ZNF521: variants seen among roughly 807,000 people sequenced by gnomAD.
ZNF521 encodes the protein zinc finger protein 521, also known as LYST-interacting protein 3.
A neutral mutation model predicts 105.5 loss-of-function variants in ZNF521; 14 were observed. The observed-to-expected ratio is 0.13, with a 90% CI of 0.09 to 0.21. The LOEUF is 0.21. ZNF521 is among the 10% of genes least tolerant of loss of function. The pLI is 1.00. For synonymous variants in ZNF521, 635 were observed against 606.0 expected, an observed-to-expected ratio of 1.05 and a Z score of -0.70; for missense variants, 1,233 against 1,629.7, an observed-to-expected ratio of 0.76 and a Z score of 4.19.
At chr18:25,111,867 C>T (rs962521213) in intron 5 of ZNF521, among the ~76,000 whole-genome samples, 2 of 152,192 alleles carry the variant, frequency 1.3e-5, no homozygotes, top group Non-Finnish European at 2.9e-5. Context: ...CATCTTGAGA[C>T]GAGGCAGTGG....
chr18:25,103,464 T>A (rs770320657), intron 5 of ZNF521, among the ~76,000 whole-genome samples: 12 of 152,142 alleles, frequency 7.9e-5, no homozygotes, highest in Non-Finnish European at 1.5e-4. Context: ...TTAAATTGAG[T>A]GTTTGAGAAG....
At chr18:25,126,202 CTT>C (rs919429420) in intron 5 of ZNF521, among the ~76,000 whole-genome samples, 1 of 152,066 alleles carries the variant, frequency 6.6e-6, no homozygotes, top group African/African-American at 2.4e-5. Context: ...CACAAGCAAT[CTT>C]TGGTTTCTCA....
At chr18:25,142,424 T>G (rs938603173) in intron 5 of ZNF521, among the ~76,000 whole-genome samples, 3 of 152,146 alleles carry the variant, frequency 2.0e-5, no homozygotes, top group African/African-American at 4.8e-5. Context: ...CAAAACTGAT[T>G]GAAATAACAT....
chr18:25,123,357 G>C (rs1286586107), intron 5 of ZNF521, among the ~76,000 whole-genome samples: 5 of 152,040 alleles, frequency 3.3e-5, no homozygotes, highest in Non-Finnish European at 5.9e-5. Flanking sequence ...ACACAGAAAT[G>C]ATAAAGAAAA....
At chr18:25,303,882 C>T (rs939116298) in intron 3 of ZNF521, among the ~76,000 whole-genome samples, 2 of 152,158 alleles carry the variant, frequency 1.3e-5, no homozygotes, top group Non-Finnish European at 2.9e-5. Flanking sequence ...CATGTCAATA[C>T]AGAAATAGGT....
chr18:25,221,101 C>T (rs1198825488), intron 4 of ZNF521, among the ~76,000 whole-genome samples: 2 of 152,106 alleles, frequency 1.3e-5, no homozygotes, highest in African/African-American at 4.8e-5. Flanking sequence ...ATATTTTATT[C>T]AAAACAAAAT....
chr18:25,081,234 T>G (rs1013584379), intron 7 of ZNF521, among the ~76,000 whole-genome samples: 1 of 152,200 alleles, frequency 6.6e-6, no homozygotes, highest in Non-Finnish European at 1.5e-5. Context: ...GATGGCCATC[T>G]GTCGTCAACT....
chr18:25,150,895 T>C (rs1449938419), intron 5 of ZNF521, among the ~76,000 whole-genome samples: 1 of 148,622 alleles, frequency 6.7e-6, no homozygotes, highest in East Asian at 2.0e-4. Flanking sequence ...TTTTTTCTTT[T>C]TTTTTTTTTT....
intron 5 of ZNF521, among the ~76,000 whole-genome samples, chr18:25,153,692 A>C (rs2035089460): frequency 6.6e-6 from 1 of 152,214 alleles, no homozygotes; most frequent in Non-Finnish European, 1.5e-5. Flanking sequence ...ATGCATTTTA[A>C]AAAGGGATTC....
chr18:25,140,423 G>A (rs1233591094), intron 5 of ZNF521, among the ~76,000 whole-genome samples: 1 of 152,212 alleles, frequency 6.6e-6, no homozygotes, highest in African/African-American at 2.4e-5. Flanking sequence ...TGCAATGACG[G>A]CAGGAAATCT....
At chr18:25,184,085 C>CA (rs2035678631) in intron 5 of ZNF521, among the ~76,000 whole-genome samples, 1 of 151,994 alleles carries the variant, frequency 6.6e-6, no homozygotes, top group Non-Finnish European at 1.5e-5. Flanking sequence ...AATAATATCT[C>CA]AAAAAACATA....
chr18:25,333,178 AAAGT>A (rs1383866179), intron 2 of ZNF521, among the ~76,000 whole-genome samples: 2 of 151,852 alleles, frequency 1.3e-5, no homozygotes, highest in African/African-American at 2.4e-5. Context: ...AAATATGCAT[AAAGT>A]AATATCAACG....
chr18:25,313,379 C>A (rs1461820371), intron 3 of ZNF521, among the ~76,000 whole-genome samples: 1 of 151,348 alleles, frequency 6.6e-6, no homozygotes, highest in Admixed American at 6.6e-5. Flanking sequence ...CACAAGTAAT[C>A]AACAAGAAAA....
chr18:25,168,813 C>T (rs773978848), intron 5 of ZNF521, among the ~76,000 whole-genome samples: 9 of 152,120 alleles, frequency 5.9e-5, no homozygotes, highest in Non-Finnish European at 1.3e-4. Flanking sequence ...GTGACCTGAT[C>T]GACACTAAGT....
At position 25,317,398 on chromosome 18, in the gene ZNF521, A is replaced by C. The variant is rs746481459; in HGVS notation, c.220+4610T>G. Among the ~76,000 whole-genome samples, 12 of 152,202 alleles carry C rather than the reference A, an allele frequency of 7.9e-5. No individual in the cohort carries two copies. The South Asian group carries it at 2.1e-3, about 26-fold the overall frequency. On this transcript the variant is annotated intron_variant, in intron 3 of 7. Transcript: ENST00000361524. ...ATTCAATTTTATAGAGCTGAACATA[A>C]GAATAACTATAGGGCACGCACTCAG...
intron 3 of ZNF521, among the ~76,000 whole-genome samples, chr18:25,230,243 G>A (rs1393996737): frequency 6.6e-6 from 1 of 152,182 alleles, no homozygotes; most frequent in African/African-American, 2.4e-5. Flanking sequence ...AATAGTTTGA[G>A]CAAGGAATAA....
chr18:25,312,110 A>G (rs1912341536), intron 3 of ZNF521, among the ~76,000 whole-genome samples: 1 of 152,170 alleles, frequency 6.6e-6, no homozygotes, highest in Non-Finnish European at 1.5e-5. Context: ...AAAAATGCCT[A>G]ATAAAATATG....
chr18:25,062,553 C>G lies in ZNF521; in HGVS notation c.*159G>C, dbSNP rs2032925531. ...GGGGTCTATCCGGTGCGCAAAAGTT[C>G]AAACACATGAACATCCAACAGTTTG... On this transcript the variant is annotated 3_prime_UTR_variant, in exon 8 of 8. Coordinates refer to ENST00000361524, the MANE Select transcript of ZNF521 (RefSeq NM_015461.3). 7 of 1,022,720 alleles carry G rather than the reference C, an allele frequency of 6.8e-6. No individual in the cohort carries two copies. The Admixed American group carries it at 1.7e-4, about 25-fold the overall frequency. 63.4% of individuals were successfully genotyped at this position (1,022,720 alleles called of 1,614,324 possible). A position where few individuals can be genotyped will look rare whatever the true frequency, so the allele number is the denominator to read the frequency against.
At chr18:25,250,979 T>C (rs368794382) in intron 3 of ZNF521, among the ~76,000 whole-genome samples, 20 of 152,232 alleles carry the variant, frequency 1.3e-4, no homozygotes, top group African/African-American at 4.3e-4. Flanking sequence ...TATATATGTT[T>C]GACATCATGT....
Sources: gnomAD v4.1 joint callset for allele counts (sites outside exome capture counted in the v4.1 genomes callset) on GRCh38, gnomAD v4.1.1 for gene constraint, MANE v1.5 for transcripts, NCBI Gene and HGNC (gene_info 2026-07-23, HGNC 2026-07-21) for gene names.